Variants in STS observed in about 807,000 individuals in gnomAD.
STS encodes the protein steroid sulfatase, also known as steryl-sulfatase.
STS carries 7 observed loss-of-function variants against 26.8 expected under a neutral mutation model. That is an observed-to-expected ratio of 0.26 (90% CI 0.15 to 0.49). The LOEUF is 0.49. Ranked by LOEUF, STS falls within the 20% of genes least tolerant of loss-of-function variation. STS has a pLI of 0.98. For synonymous variants in STS, 199 were observed against 189.4 expected (o/e 1.05, Z -0.42); for missense variants, 434 against 465.6 (o/e 0.93, Z 0.63).
chrX:7,269,943 C>T (rs1169715865), intron 6 of STS, among the ~76,000 whole-genome samples: 6 of 111,539 alleles, frequency 5.4e-5, no homozygotes, highest in Non-Finnish European at 9.4e-5. Flanking sequence ...ATTATTATTC[C>T]GAAGATCCTC....
At chrX:7,284,487 A>T (rs1240091980) in intron 7 of STS, among the ~76,000 whole-genome samples, 1 of 112,529 alleles carries the variant, frequency 8.9e-6, no homozygotes, top group Non-Finnish European at 1.9e-5. Flanking sequence ...TGGAGCAATA[A>T]GAAATAGAAC....
chrX:7,240,901 A>C (rs993281998), intron 2 of STS, among the ~76,000 whole-genome samples: 6 of 110,899 alleles, frequency 5.4e-5, no homozygotes, highest in Non-Finnish European at 1.9e-5. Context: ...TGCGGGAGTG[A>C]AACGAAACCA....
chrX:7,218,654 G>A (rs899219716), intron 2 of STS, among the ~76,000 whole-genome samples: 3 of 112,414 alleles, frequency 2.7e-5, no homozygotes, highest in Non-Finnish European at 5.6e-5. Context: ...TTACAAAGAA[G>A]TGCACAGATA....
intron 8 of STS, among the ~76,000 whole-genome samples, chrX:7,324,379 C>G (rs1437660662): frequency 9.0e-6 from 1 of 111,257 alleles, no homozygotes; most frequent in African/African-American, 3.3e-5. Context: ...TGTTTCTTAT[C>G]AGACTTTAAA....
intron 2 of STS, among the ~76,000 whole-genome samples, chrX:7,207,597 A>T (rs187461360): frequency 8.9e-6 from 1 of 112,172 alleles, no homozygotes; most frequent in Non-Finnish European, 1.9e-5. Context: ...ACCAAGTCCC[A>T]GTAGGAAGGT....
chrX:7,152,113 T>C (rs1461948367), intron 1 of STS, among the ~76,000 whole-genome samples: 2 of 109,445 alleles, frequency 1.8e-5, no homozygotes, highest in East Asian at 2.9e-4. Flanking sequence ...CCACTATGCC[T>C]GGCTAGTTTT....
chrX:7,270,128 G>A (rs1398465049), intron 6 of STS, among the ~76,000 whole-genome samples: 1 of 112,191 alleles, frequency 8.9e-6, no homozygotes, highest in Admixed American at 9.5e-5. Context: ...GCGCAGGCAT[G>A]TAGCAGCTGA....
rs768066963 is a variant in STS, at chrX:7,282,065, G to A, written c.943+5978G>A. On this transcript the variant is annotated intron_variant, in intron 7 of 10. Transcript: ENST00000674429. The stretch of plus-strand genomic sequence containing the variant: ...AACTATATTAACCTGCACACAGGGA[G>A]CATCACAGAGTGGCTACCCAAACCC... Among the ~76,000 whole-genome samples the A allele has an allele frequency of 4.4e-5, 5 of 112,822 alleles. No individual in the cohort carries two copies. The South Asian group carries it at 1.4e-3, about 33-fold the overall frequency.
chrX:7,239,084 C>A (rs891515727), intron 2 of STS, among the ~76,000 whole-genome samples: 1 of 110,817 alleles, frequency 9.0e-6, no homozygotes, highest in South Asian at 3.8e-4. Context: ...ATACAAAGAC[C>A]AATGCACCAG....
At chrX:7,205,032 C>A (rs759576096) in intron 2 of STS, among the ~76,000 whole-genome samples, 7 of 111,910 alleles carry the variant, frequency 6.3e-5, no homozygotes, top group Non-Finnish European at 1.3e-4. Flanking sequence ...GCTTCTGTTG[C>A]CTGTTGTTGT....
chrX:7,322,953 G>A (rs1449344014), intron 8 of STS, among the ~76,000 whole-genome samples: 1 of 111,843 alleles, frequency 8.9e-6, no homozygotes, highest in Non-Finnish European at 1.9e-5. Flanking sequence ...TGCTTCATAG[G>A]CACCAAGCCT....
chrX:7,201,836 C>T (rs1355437979), intron 2 of STS, among the ~76,000 whole-genome samples: 3 of 111,000 alleles, frequency 2.7e-5, no homozygotes, highest in South Asian at 3.9e-4. Context: ...TCTGAGCCCT[C>T]CTCAGAAGAA....
chrX:7,277,759 T>C (rs1052880369), intron 7 of STS, among the ~76,000 whole-genome samples: 1 of 112,568 alleles, frequency 8.9e-6, no homozygotes, highest in Admixed American at 9.4e-5. Context: ...AAGAATGCAT[T>C]ACGCTTAGGG....
chrX:7,157,243 A>T (rs1456568880), intron 1 of STS, among the ~76,000 whole-genome samples: 1 of 111,715 alleles, frequency 9.0e-6, no homozygotes, highest in African/African-American at 3.3e-5. Context: ...TCAAGCCTCG[A>T]TCTTTGCTCA....
At chrX:7,300,694 A>G (rs1335764665) in intron 7 of STS, among the ~76,000 whole-genome samples, 1 of 111,384 alleles carries the variant, frequency 9.0e-6, no homozygotes, top group Non-Finnish European at 1.9e-5. Context: ...GCATACGTGC[A>G]TGGCAGCCTC....
intron 8 of STS, among the ~76,000 whole-genome samples, chrX:7,316,380 A>AT (rs1442389018): frequency 3.6e-5 from 4 of 111,698 alleles, no homozygotes; most frequent in Admixed American, 9.5e-5. Context: ...CCAGCCCTTG[A>AT]TTTTCTAAAT....
chrX:7,167,881 A>G (rs1228035465), intron 1 of STS, among the ~76,000 whole-genome samples: 3 of 108,504 alleles, frequency 2.8e-5, no homozygotes, highest in African/African-American at 1.0e-4. Context: ...TTTTGTAGAT[A>G]CAGGGTCTTG....
intron 6 of STS, among the ~76,000 whole-genome samples, chrX:7,261,155 C>T (rs907810520): frequency 8.9e-6 from 1 of 111,745 alleles, no homozygotes; most frequent in Non-Finnish European, 1.9e-5. Flanking sequence ...GAGAACAGGA[C>T]TCTAAAGAGA....
intron 1 of STS, among the ~76,000 whole-genome samples, chrX:7,185,922 G>A (rs1933764807): frequency 8.9e-6 from 1 of 112,323 alleles, no homozygotes; most frequent in South Asian, 3.7e-4. Context: ...CACAACCAAG[G>A]ACTGTCAATC....
Sources: gnomAD v4.1 joint callset for allele counts (sites outside exome capture counted in the v4.1 genomes callset) on GRCh38, gnomAD v4.1.1 for gene constraint, MANE v1.5 for transcripts, NCBI Gene and HGNC (gene_info 2026-07-23, HGNC 2026-07-21) for gene names.